The following ST7 variants were observed in gnomAD, a reference collection of about 807,000 sequenced individuals.
The protein encoded by ST7 is suppressor of tumorigenicity 7 protein.
Under a neutral mutation model 78.7 loss-of-function variants are expected in ST7, and 28 were observed. The ratio of observed to expected loss-of-function variants is 0.36; its 90% CI spans 0.26 to 0.49. ST7 has a LOEUF of 0.49. Among genes scored for constraint, ST7 ranks in the 20% least tolerant of loss-of-function variants. ST7 has a pLI of 0.99. For missense variants in ST7, 418 were observed against 696.0 expected, an observed-to-expected ratio of 0.60 and a Z score of 4.49; for synonymous variants, 247 against 249.6, an observed-to-expected ratio of 0.99 and a Z score of 0.10.
chr7:117,029,216 A>G (rs868205704), intron 1 of ST7, among the ~76,000 whole-genome samples: 16 of 152,314 alleles, frequency 1.1e-4, no homozygotes, highest in Admixed American at 6.5e-4. Context: ...TCCCACTAGC[A>G]ATGGATGGGA....
chr7:116,974,339 G>A (rs1793591172), intron 1 of ST7, among the ~76,000 whole-genome samples: 1 of 151,338 alleles, frequency 6.6e-6, no homozygotes, highest in South Asian at 2.1e-4. Flanking sequence ...CCAGGCTGGA[G>A]TGCAGTGGCG....
At chr7:117,207,424 G>C (rs984744469) in intron 12 of ST7, among the ~76,000 whole-genome samples, 1 of 152,034 alleles carries the variant, frequency 6.6e-6, no homozygotes, top group Non-Finnish European at 1.5e-5. Context: ...TTACAGCCGT[G>C]AGCCACCGCG....
chr7:117,087,398 C>T (rs531890799), intron 1 of ST7, among the ~76,000 whole-genome samples: 1 of 152,126 alleles, frequency 6.6e-6, no homozygotes, highest in Non-Finnish European at 1.5e-5. Context: ...AGTTAAAGTT[C>T]TCTGTGTTTT....
At chr7:117,150,151 GGT>G (rs1217585687) in intron 9 of ST7, among the ~76,000 whole-genome samples, 50 of 152,250 alleles carry the variant, frequency 3.3e-4, no homozygotes, top group Admixed American at 1.2e-3. Flanking sequence ...GGTTGTCTGA[GGT>G]GGGAAGGAGA....
intron 9 of ST7, among the ~76,000 whole-genome samples, chr7:117,160,395 TC>T (rs1807041150): frequency 6.6e-6 from 1 of 152,030 alleles, no homozygotes; most frequent in South Asian, 2.1e-4. Context: ...CTAGGTGTTA[TC>T]CCCGTCTTAC....
intron 1 of ST7, among the ~76,000 whole-genome samples, chr7:117,002,602 A>G (rs1406291931): frequency 2.0e-5 from 3 of 151,270 alleles, no homozygotes; most frequent in African/African-American, 7.3e-5. Context: ...TCAGATATAT[A>G]GAATCTCTGG....
intron 1 of ST7, among the ~76,000 whole-genome samples, chr7:117,013,390 A>G (rs1270890647): frequency 2.0e-5 from 3 of 152,250 alleles, no homozygotes; most frequent in Non-Finnish European, 2.9e-5. Context: ...AGATAGGCTC[A>G]CTTAGCAACA....
chr7:116,987,972 C>G (rs924709799), intron 1 of ST7, among the ~76,000 whole-genome samples: 1 of 152,226 alleles, frequency 6.6e-6, no homozygotes, highest in Non-Finnish European at 1.5e-5. Flanking sequence ...AGTAGTCCAC[C>G]TGCATTGGCC....
intron 10 of ST7, among the ~76,000 whole-genome samples, chr7:117,175,544 C>T (rs1808285222): frequency 6.6e-6 from 1 of 152,154 alleles, no homozygotes; most frequent in Non-Finnish European, 1.5e-5. Context: ...AGAAGGCAGT[C>T]ATGGGTGGTG....
intron 1 of ST7, among the ~76,000 whole-genome samples, chr7:117,084,543 G>T (rs1352123729): frequency 6.6e-6 from 1 of 152,088 alleles, no homozygotes; most frequent in Non-Finnish European, 1.5e-5. Flanking sequence ...TCATATCCTG[G>T]GTCTGCCACT....
At chr7:117,147,126 G>T (rs1805856941) in intron 9 of ST7, among the ~76,000 whole-genome samples, 1 of 151,864 alleles carries the variant, frequency 6.6e-6, no homozygotes, top group Non-Finnish European at 1.5e-5. Context: ...TTTTCAATCT[G>T]TCCATTTTTG....
chr7:117,209,033 A>G (rs1408377966), intron 12 of ST7, among the ~76,000 whole-genome samples: 2 of 151,984 alleles, frequency 1.3e-5, no homozygotes, highest in African/African-American at 2.4e-5. Flanking sequence ...ATTGCTCCCT[A>G]TCTATCCTAT....
chr7:116,972,374 G>A (rs1793470578), intron 1 of ST7: 1 of 647,972 alleles, frequency 1.5e-6, no homozygotes, highest in Non-Finnish European at 2.8e-6. Flanking sequence ...TCTTCTTTTT[G>A]AGAGTACTTT....
intron 1 of ST7, chr7:116,959,558 A>G (rs1426045151): frequency 4.2e-6 from 1 of 239,646 alleles, no homozygotes; most frequent in African/African-American, 2.3e-5. Flanking sequence ...AATACAATTG[A>G]TCAAATGCAT....
At chr7:117,096,462 C>G (rs973981280) in intron 1 of ST7, among the ~76,000 whole-genome samples, 10 of 152,080 alleles carry the variant, frequency 6.6e-5, no homozygotes, top group Non-Finnish European at 1.3e-4. Flanking sequence ...TTAGAGCTTC[C>G]TCTCCTTTTC....
At chr7:117,187,139 G>A (rs1164479165) in intron 10 of ST7, among the ~76,000 whole-genome samples, 1 of 152,188 alleles carries the variant, frequency 6.6e-6, no homozygotes, top group African/African-American at 2.4e-5. Flanking sequence ...CCAAGTAGAT[G>A]TAATGTTTTT....
chr7:117,213,601 C>T (rs1792459810), intron 13 of ST7, among the ~76,000 whole-genome samples: 3 of 151,602 alleles, frequency 2.0e-5, no homozygotes. Flanking sequence ...CCAGCTGATG[C>T]ATGGCAGAGA....
chr7:117,081,729 A>G (rs1799793714), intron 1 of ST7, among the ~76,000 whole-genome samples: 1 of 152,196 alleles, frequency 6.6e-6, no homozygotes, highest in Admixed American at 6.5e-5. Flanking sequence ...CTAGCTAGCT[A>G]TTTTTATCCA....
chr7:117,101,281 A>G (rs1400149596), intron 2 of ST7, among the ~76,000 whole-genome samples: 1 of 152,166 alleles, frequency 6.6e-6, no homozygotes, highest in South Asian at 2.1e-4. Context: ...CTCTTTTCCA[A>G]TTAATGCCCT....
Sources: gnomAD v4.1 joint callset for allele counts (sites outside exome capture counted in the v4.1 genomes callset) on GRCh38, gnomAD v4.1.1 for gene constraint, MANE v1.5 for transcripts, NCBI Gene and HGNC (gene_info 2026-07-23, HGNC 2026-07-21) for gene names.